The following SUGCT variants were observed in gnomAD, a reference collection of about 807,000 sequenced individuals.
The protein encoded by SUGCT is succinyl-CoA:glutarate CoA-transferase.
SUGCT carries 41 observed loss-of-function variants against 55.0 expected under a neutral mutation model. The ratio of observed to expected loss-of-function variants is 0.74; its 90% confidence interval spans 0.58 to 0.97. SUGCT has a LOEUF of 0.97. Ranked by LOEUF, SUGCT falls within the 50% of genes least tolerant of loss-of-function variation. SUGCT has a pLI of 0.00. For synonymous variants in SUGCT, 187 were observed against 200.4 expected, an observed-to-expected ratio of 0.93 and a Z score of 0.56; for missense variants, 568 against 547.8, an observed-to-expected ratio of 1.04 and a Z score of -0.37.
chr7:40,599,551 T>G (rs1798188919), intron 12 of SUGCT, among the ~76,000 whole-genome samples: 1 of 152,188 alleles, frequency 6.6e-6, no homozygotes, highest in Non-Finnish European at 1.5e-5. Context: ...CCTTATTGAT[T>G]ACAAGTTTTC....
chr7:40,523,335 A>T (rs1793648160), intron 12 of SUGCT, among the ~76,000 whole-genome samples: 1 of 152,130 alleles, frequency 6.6e-6, no homozygotes, highest in Non-Finnish European at 1.5e-5. Context: ...AATTCAAATA[A>T]TTAGAAAGTC....
intron 5 of SUGCT, 34 bp downstream of exon 5, chr7:40,189,628 C>A: frequency 8.0e-7 from 1 of 1,250,106 alleles, no homozygotes; most frequent in East Asian, 2.9e-5. Flanking sequence ...ATCCTACCAC[C>A]TAGGTTATAA....
At chr7:40,742,151 G>A (rs1787493542) in intron 12 of SUGCT, among the ~76,000 whole-genome samples, 1 of 152,070 alleles carries the variant, frequency 6.6e-6, no homozygotes, top group Non-Finnish European at 1.5e-5. Flanking sequence ...TTATATATGT[G>A]TTTGTGTAAA....
intron 12 of SUGCT, among the ~76,000 whole-genome samples, chr7:40,648,479 G>C (rs1230359146): frequency 6.6e-6 from 1 of 152,174 alleles, no homozygotes; most frequent in Non-Finnish European, 1.5e-5. Flanking sequence ...GTTGAATTGT[G>C]TGTTCCCCAA....
chr7:40,653,023 C>T (rs1283158462), intron 12 of SUGCT, among the ~76,000 whole-genome samples: 3 of 152,178 alleles, frequency 2.0e-5, no homozygotes, highest in Non-Finnish European at 4.4e-5. Context: ...TTGAAAATGC[C>T]TGTTCACTTT....
At chr7:41,036,206 G>A in the SUGCT span, among the ~76,000 whole-genome samples, 6 of 152,160 alleles carry the variant, frequency 3.9e-5, no homozygotes, top group Admixed American at 2.0e-4. Flanking sequence ...GTGCATGGGC[G>A]AATGACTGAA....
chr7:40,462,030 A>G (rs906803828), intron 11 of SUGCT, among the ~76,000 whole-genome samples: 1 of 152,244 alleles, frequency 6.6e-6, no homozygotes, highest in African/African-American at 2.4e-5. Context: ...TTTATTGAGC[A>G]CTAACTGTGT....
chr7:40,955,352 C>A, the SUGCT span, among the ~76,000 whole-genome samples: 1 of 152,060 alleles, frequency 6.6e-6, no homozygotes, highest in African/African-American at 2.4e-5. Context: ...CCTTCACATC[C>A]CTTGTAAGTT....
At chr7:40,440,393 T>C (rs1203948567) in intron 9 of SUGCT, among the ~76,000 whole-genome samples, 1 of 152,022 alleles carries the variant, frequency 6.6e-6, no homozygotes, top group East Asian at 1.9e-4. Context: ...ACTCCTGGAC[T>C]TAAGTGATCC....
intron 12 of SUGCT, among the ~76,000 whole-genome samples, chr7:40,548,273 C>T (rs1386684635): frequency 3.5e-5 from 5 of 143,148 alleles, no homozygotes; most frequent in South Asian, 2.2e-4. Flanking sequence ...ACTGCAGCTT[C>T]GAACTCATGG....
intron 12 of SUGCT, among the ~76,000 whole-genome samples, chr7:40,513,355 T>C (rs4723967): frequency 0.21 from 32,318 of 152,062 alleles, 6,141 homozygotes; most frequent in African/African-American, 0.51. Context: ...TCAGCTACTT[T>C]AGTATATGGA....
intron 13 of SUGCT, among the ~76,000 whole-genome samples, chr7:40,780,315 G>A (rs138673962): frequency 6.6e-6 from 1 of 152,232 alleles, no homozygotes; most frequent in Admixed American, 6.5e-5. Flanking sequence ...ATAATACCCT[G>A]AGGTCTTTAA....
At chr7:40,515,301 C>A (rs997345503) in intron 12 of SUGCT, among the ~76,000 whole-genome samples, 2 of 152,130 alleles carry the variant, frequency 1.3e-5, no homozygotes, top group African/African-American at 2.4e-5. Flanking sequence ...CACTATGTGA[C>A]CTTTTTACAA....
chr7:40,238,631 T>G (rs1337724020), intron 7 of SUGCT, among the ~76,000 whole-genome samples: 1 of 143,694 alleles, frequency 7.0e-6, no homozygotes, highest in Non-Finnish European at 1.5e-5. Flanking sequence ...TTTTGCAGTC[T>G]TCCTTTTATT....
intron 12 of SUGCT, among the ~76,000 whole-genome samples, chr7:40,575,123 G>T (rs981450014): frequency 1.4e-5 from 2 of 143,832 alleles, no homozygotes; most frequent in African/African-American, 5.8e-5. Flanking sequence ...GGGTGGCGGG[G>T]GTGGGGGTGG....
rs1484723595 is a variant in SUGCT at position 40,718,148 on chromosome 7, C to A, written c.1090-31286C>A. On this transcript the variant is annotated intron_variant, in intron 12 of 13. Coordinates refer to ENST00000335693, the MANE Select transcript of SUGCT (RefSeq NM_001193313.2). ...ATCATATTTCATGCAAAGCAATAAG[C>A]ATTCTGATATAAAAACTAGCATCTC... Among the ~76,000 whole-genome samples the A allele has an allele frequency of 6.6e-5, 10 of 152,166 alleles. No individual in the cohort carries two copies. The East Asian group carries it at 1.9e-3, about 29-fold the overall frequency.
At chr7:40,991,535 C>A in the SUGCT span, among the ~76,000 whole-genome samples, 2 of 152,078 alleles carry the variant, frequency 1.3e-5, no homozygotes, top group African/African-American at 4.8e-5. Flanking sequence ...GTAAAAAATG[C>A]AGTATCTGTG....
the SUGCT span, among the ~76,000 whole-genome samples, chr7:40,953,356 A>G: frequency 6.6e-6 from 1 of 152,132 alleles, no homozygotes; most frequent in African/African-American, 2.4e-5. Context: ...CATTTGTCTC[A>G]TCTTTTTTCA....
intron 9 of SUGCT, among the ~76,000 whole-genome samples, chr7:40,370,442 C>A (rs1293313516): frequency 6.6e-6 from 1 of 151,956 alleles, no homozygotes; most frequent in East Asian, 1.9e-4. Context: ...AATTGCTGAT[C>A]CCCCCATATG....
Sources: gnomAD v4.1 joint callset for allele counts (sites outside exome capture counted in the v4.1 genomes callset) on GRCh38, gnomAD v4.1.1 for gene constraint, MANE v1.5 for transcripts, NCBI Gene and HGNC (gene_info 2026-07-23, HGNC 2026-07-21) for gene names.